The following GABRA3 variants were observed in gnomAD, a reference collection of about 807,000 sequenced individuals.
GABRA3 encodes the protein gamma-aminobutyric acid receptor subunit alpha-3.
GABRA3 carries 10 observed loss-of-function variants against 30.1 expected under a neutral mutation model. That is an observed-to-expected ratio of 0.33 (90% confidence interval 0.20 to 0.56). The LOEUF is 0.56. Ranked by LOEUF, GABRA3 falls within the 20% of genes least tolerant of loss-of-function variation. The pLI is 0.89. For synonymous variants in GABRA3, 151 were observed against 146.8 expected (o/e 1.03, Z -0.21); for missense variants, 233 against 392.0 (o/e 0.59, Z 3.42).
At chrX:152,295,481 G>A (rs1242562685) in intron 3 of GABRA3, among the ~76,000 whole-genome samples, 4 of 113,137 alleles carry the variant, frequency 3.5e-5, no homozygotes, top group Admixed American at 9.3e-5. Flanking sequence ...GCAAGGCTCC[G>A]TGGGCATGGG....
intron 1 of GABRA3, among the ~76,000 whole-genome samples, chrX:152,403,229 T>C (rs1471554940): frequency 9.0e-6 from 1 of 111,039 alleles, no homozygotes; most frequent in African/African-American, 3.3e-5. Context: ...AAAGTGTTAG[T>C]TTGCAATGGA....
chrX:152,442,008 A>G (rs1258256460), intron 1 of GABRA3, among the ~76,000 whole-genome samples: 1 of 111,739 alleles, frequency 8.9e-6, no homozygotes, highest in African/African-American at 3.2e-5. Context: ...CTGTAATGAT[A>G]AAGGACCCCA....
intron 6 of GABRA3, among the ~76,000 whole-genome samples, chrX:152,208,431 G>A (rs1937598930): frequency 8.9e-6 from 1 of 111,862 alleles, no homozygotes; most frequent in African/African-American, 3.2e-5. Flanking sequence ...TTTTTCTTCT[G>A]TTGGACAGTA....
At chrX:152,275,983 A>G (rs143269464) in intron 4 of GABRA3, among the ~76,000 whole-genome samples, 1,103 of 110,281 alleles carry the variant, frequency 0.01, 12 homozygotes, top group African/African-American at 0.035. Context: ...AGGAATGAAA[A>G]GATGGTCTAA....
At chrX:152,337,360 T>C (rs191574922) in intron 3 of GABRA3, among the ~76,000 whole-genome samples, 122 of 111,670 alleles carry the variant, frequency 1.1e-3, no homozygotes, top group Non-Finnish European at 1.9e-3. Context: ...CATCTCTCCC[T>C]TCCTCCCACC....
intron 1 of GABRA3, among the ~76,000 whole-genome samples, chrX:152,379,537 T>C (rs1354047705): frequency 1.8e-5 from 2 of 110,966 alleles, no homozygotes; most frequent in Non-Finnish European, 3.8e-5. Context: ...CCTAGTTCAA[T>C]CAGAAAGAAT....
chrX:152,427,203 T>C (rs1398090156), intron 1 of GABRA3, among the ~76,000 whole-genome samples: 1 of 111,670 alleles, frequency 9.0e-6, no homozygotes, highest in Non-Finnish European at 1.9e-5. Flanking sequence ...AGAATCAGCT[T>C]TGAAACCTGC....
chrX:152,320,831 T>C (rs1201963062), intron 3 of GABRA3, among the ~76,000 whole-genome samples: 1 of 112,130 alleles, frequency 8.9e-6, no homozygotes, highest in Non-Finnish European at 1.9e-5. Context: ...TTTCTTAACA[T>C]TAATCACACA....
chrX:152,185,199 C>T (rs1168314668), intron 9 of GABRA3, among the ~76,000 whole-genome samples: 1 of 110,786 alleles, frequency 9.0e-6, no homozygotes. Context: ...TTAGTTGCTC[C>T]GTATTGTAGC....
chrX:152,232,730 CTT>C (rs1213701445), intron 5 of GABRA3, among the ~76,000 whole-genome samples: 1 of 108,422 alleles, frequency 9.2e-6, no homozygotes, highest in Non-Finnish European at 1.9e-5. Context: ...TTAATGTACA[CTT>C]AGGATGGTTC....
At chrX:152,285,291 G>A (rs1319086131) in intron 3 of GABRA3, among the ~76,000 whole-genome samples, 1 of 112,251 alleles carries the variant, frequency 8.9e-6, no homozygotes, top group African/African-American at 3.2e-5. Flanking sequence ...GGAATGATGA[G>A]CTAATATATG....
At chrX:152,414,145 G>C (rs1373691572) in intron 1 of GABRA3, among the ~76,000 whole-genome samples, 1 of 111,157 alleles carries the variant, frequency 9.0e-6, no homozygotes, top group Non-Finnish European at 1.9e-5. Flanking sequence ...CAAAGAAATG[G>C]AATTTTATGT....
intron 5 of GABRA3, among the ~76,000 whole-genome samples, chrX:152,241,309 CA>C (rs1938362439): frequency 7.0e-5 from 4 of 57,033 alleles, no homozygotes; most frequent in Non-Finnish European, 1.9e-4. Flanking sequence ...TTAGGCTGCT[CA>C]GGGGTCAGGG....
chrX:152,329,059 GAC>G (rs780907538), intron 3 of GABRA3, among the ~76,000 whole-genome samples: 1 of 110,300 alleles, frequency 9.1e-6, no homozygotes, highest in African/African-American at 3.3e-5. Context: ...ACCAATAACG[GAC>G]AGAGAGCCAC....
intron 5 of GABRA3, among the ~76,000 whole-genome samples, chrX:152,255,123 CTA>C (rs1430380990): frequency 9.0e-6 from 1 of 110,721 alleles, no homozygotes; most frequent in Non-Finnish European, 1.9e-5. Flanking sequence ...ATTTCTATAT[CTA>C]TATATACACA....
At chrX:152,239,032 C>G (rs1278253582) in intron 5 of GABRA3, among the ~76,000 whole-genome samples, 1 of 108,569 alleles carries the variant, frequency 9.2e-6, no homozygotes, top group Non-Finnish European at 1.9e-5. Flanking sequence ...TTGCCTTCTG[C>G]TAGCTGTTGA....
In GABRA3 at chrX:152,347,070, G is replaced by A. The variant is rs575670610; in HGVS notation, c.141-1368C>T. ...GTTTGTCACAGGACTGTTCACAATC[G>A]GTAAGATTTGGAAGCAACCTAAATA... On this transcript the variant is annotated intron_variant, in intron 2 of 9. Coordinates refer to ENST00000370314, the MANE Select transcript of GABRA3 (RefSeq NM_000808.4). Among the ~76,000 whole-genome samples the A allele has an allele frequency of 4.4e-4, 49 of 111,887 alleles. No homozygotes were observed. In the South Asian group the frequency reaches 0.016, roughly 36 times the overall value.
intron 5 of GABRA3, among the ~76,000 whole-genome samples, chrX:152,240,762 T>C (rs1052982222): frequency 2.0e-5 from 2 of 101,206 alleles, no homozygotes; most frequent in African/African-American, 7.9e-5. Context: ...CCATTACTGA[T>C]ACCCTTTCTT....
chrX:152,414,483 A>G (rs1470108875), intron 1 of GABRA3, among the ~76,000 whole-genome samples: 1 of 111,221 alleles, frequency 9.0e-6, no homozygotes, highest in Non-Finnish European at 1.9e-5. Flanking sequence ...ACAACAATGA[A>G]ATACCACTTT....
Sources: allele counts gnomAD v4.1 joint callset (sites outside exome capture counted in the v4.1 genomes callset), GRCh38; gene constraint gnomAD v4.1.1; transcripts MANE v1.5; gene names NCBI Gene and HGNC (gene_info 2026-07-23, HGNC 2026-07-21).